ARHGEF10: variants seen among roughly 807,000 people sequenced by gnomAD.
ARHGEF10 encodes Rho guanine nucleotide exchange factor 10.
In ARHGEF10, 140 loss-of-function variants were observed where a neutral mutation model predicts 147.4. The ratio of observed to expected loss-of-function variants is 0.95; its 90% confidence interval spans 0.83 to 1.09. The LOEUF (loss-of-function observed/expected upper bound fraction) is 1.09. Among genes scored for constraint, ARHGEF10 ranks in the 50% least tolerant of loss-of-function variants. ARHGEF10 has a pLI of 0.00. For missense variants in ARHGEF10, 2,222 were observed against 1,752.7 expected, an observed-to-expected ratio of 1.27 and a Z score of -4.78; for synonymous variants, 902 against 695.8, an observed-to-expected ratio of 1.30 and a Z score of -4.67.
intron 26 of ARHGEF10, among the ~76,000 whole-genome samples, chr8:1,934,418 G>A (rs1196127040): frequency 1.3e-5 from 2 of 148,600 alleles, no homozygotes; most frequent in Non-Finnish European, 3.0e-5. Flanking sequence ...AGAAAGACAA[G>A]ATTAGCAAGA....
At chr8:1,925,688 C>T (rs1400192949) in intron 22 of ARHGEF10, among the ~76,000 whole-genome samples, 3 of 152,210 alleles carry the variant, frequency 2.0e-5, no homozygotes, top group Non-Finnish European at 4.4e-5. Context: ...AGAGGGGACA[C>T]GTGTTTCACA....
At chr8:1,918,797 A>T (rs932243428) in intron 18 of ARHGEF10, among the ~76,000 whole-genome samples, 1 of 152,136 alleles carries the variant, frequency 6.6e-6, no homozygotes, top group Admixed American at 6.5e-5. Context: ...CACATGTTCT[A>T]TGGGTGATAG....
intron 1 of ARHGEF10, among the ~76,000 whole-genome samples, chr8:1,824,495 C>G (rs1802614923): frequency 6.6e-6 from 1 of 151,890 alleles, no homozygotes. Context: ...CGGTCCGCCT[C>G]AGGATGCAGA....
At chr8:1,828,499 G>T (rs1339606960) in intron 1 of ARHGEF10, among the ~76,000 whole-genome samples, 5 of 135,390 alleles carry the variant, frequency 3.7e-5, no homozygotes, top group African/African-American at 8.4e-5. Context: ...GCACACTTAC[G>T]GTTTTAAGGA....
At chr8:1,930,138 G>C (rs1038560768) in intron 25 of ARHGEF10, among the ~76,000 whole-genome samples, 2 of 151,908 alleles carry the variant, frequency 1.3e-5, no homozygotes, top group Non-Finnish European at 2.9e-5. Context: ...CCCTCACTCA[G>C]CTCTGAGCGC....
intron 18 of ARHGEF10, among the ~76,000 whole-genome samples, chr8:1,914,495 A>G (rs1811608543): frequency 6.6e-6 from 1 of 152,232 alleles, no homozygotes; most frequent in Admixed American, 6.5e-5. Flanking sequence ...TCCTCTCCAG[A>G]GTAAGGTACT....
At position 1,945,663 on chromosome 8, in the gene ARHGEF10, G is replaced by T. The variant is rs202020429; in HGVS notation, c.3397+8G>T. Reference sequence around the variant, plus strand: ...TTCACAACATGCTGCCAGGTAAGGGGACGGGACGGGGCCCAGGGATGGGAC... The same window carrying T: ...TTCACAACATGCTGCCAGGTAAGGGTACGGGACGGGGCCCAGGGATGGGAC... On this transcript the variant is annotated splice_region_variant and intron_variant, in intron 27 of 28. Coordinates refer to ENST00000349830, the MANE Select transcript of ARHGEF10 (RefSeq NM_014629.4). 6.1e-4 allele frequency: 981 copies of T among 1,614,074 alleles called. 2 individuals are homozygous for T. Among genetic ancestry groups the T allele is most frequent in the Non-Finnish European group, 5.4e-4 (641 of 1,180,022 alleles).
chr8:1,925,694 T>C (rs550548947), intron 22 of ARHGEF10, among the ~76,000 whole-genome samples: 1 of 152,342 alleles, frequency 6.6e-6, no homozygotes, highest in East Asian at 1.9e-4. Flanking sequence ...GACACGTGTT[T>C]CACATTTGTA....
Position 1,864,455 on chromosome 8 carries a change from C to T in ARHGEF10, c.545+19C>T. On this transcript the variant is annotated intron_variant, in intron 5 of 28. Coordinates refer to ENST00000349830, the MANE Select transcript of ARHGEF10 (RefSeq NM_014629.4). ...CAACCAGGTATCTGCATCCGTCTTC[C>T]CACACCTGCTGAATTCCCGCCTTTC... is the stretch of plus-strand genomic sequence containing the variant. 6.2e-7 allele frequency: 1 copy of T among 1,610,892 alleles called. No homozygotes were observed. Among genetic ancestry groups the T allele is most frequent in the African/African-American group, 1.3e-5 (1 of 74,942 alleles).
At chr8:1,853,769 G>A (rs1805332081) in intron 2 of ARHGEF10, among the ~76,000 whole-genome samples, 1 of 152,226 alleles carries the variant, frequency 6.6e-6, no homozygotes, top group Non-Finnish European at 1.5e-5. Flanking sequence ...CGGGAATGTA[G>A]GTCACAGCCT....
intron 13 of ARHGEF10, 38 bp from the exon 14 acceptor site, chr8:1,896,295 C>G: frequency 2.1e-6 from 3 of 1,419,576 alleles, no homozygotes; most frequent in South Asian, 2.3e-5. Context: ...GATATCTGGA[C>G]TCTGTGATTT....
chr8:1,939,104 A>G (rs1813867525), intron 26 of ARHGEF10, among the ~76,000 whole-genome samples: 1 of 152,224 alleles, frequency 6.6e-6, no homozygotes, highest in Non-Finnish European at 1.5e-5. Context: ...ACACTGTGGA[A>G]TCCCAGTCCC....
At chr8:1,878,613 G>A (rs1643904830) in intron 8 of ARHGEF10, among the ~76,000 whole-genome samples, 1 of 152,140 alleles carries the variant, frequency 6.6e-6, no homozygotes, top group Non-Finnish European at 1.5e-5. Context: ...GAGGCTCGGT[G>A]TGTGCCTCGG....
At position 1,957,867 on chromosome 8, in the gene ARHGEF10, A is replaced by G. The variant is rs1016061491; in HGVS notation, c.*604A>G. The stretch of plus-strand genomic sequence containing the variant: ...TATAATGTGTGTACTGTATATTTTA[A>G]CAAAGTAATATTTTTGTATTGCATT... On this transcript the variant is annotated 3_prime_UTR_variant, in exon 29 of 29. Coordinates refer to ENST00000349830, the MANE Select transcript of ARHGEF10 (RefSeq NM_014629.4). The G allele has an allele frequency of 6.6e-6, 1 of 152,384 alleles. No homozygotes were observed. The highest frequency in any genetic ancestry group is 1.5e-5 in the Non-Finnish European group (1 of 68,158). 9.4% of individuals were successfully genotyped at this position (152,384 alleles called of 1,614,324 possible).
At chr8:1,898,379 CA>C in intron 14 of ARHGEF10, 53 bp from the exon 15 acceptor site, 1 of 1,528,304 alleles carries the variant, frequency 6.5e-7, no homozygotes, top group Non-Finnish European at 9.1e-7. Flanking sequence ...GCCCCAGGGG[CA>C]GGGAGGGCAT....
intron 2 of ARHGEF10, among the ~76,000 whole-genome samples, chr8:1,848,196 A>G (rs533220725): frequency 2.6e-4 from 40 of 152,384 alleles, no homozygotes; most frequent in African/African-American, 8.9e-4. Flanking sequence ...TCCTCTCTTC[A>G]GTATCTCTGT....
In ARHGEF10 at chr8:1,923,785, C is replaced by T. The variant is rs375701326; in HGVS notation, c.2399C>T (p.Pro800Leu). ...LPGKQDKSGR[P>L]TFFTAVFNTF... ...GTTGTTTCTGGCAGATCTGGGCGAC[C>T]GACGTTCTTTACAGCTGTGTTCAAT... The change falls in exon 21 of 29, where the codon CCG (proline) becomes CTG (leucine). Residue 800 changes from proline (P) to leucine (L), a missense_variant. Physicochemically the swap from Pro to Leu is moderately conservative, Grantham distance 98. Coordinates refer to ENST00000349830, the MANE Select transcript of ARHGEF10 (RefSeq NM_014629.4). The T allele has an allele frequency of 6.4e-5, 104 of 1,614,086 alleles. No individual in the cohort carries two copies. The highest frequency in any genetic ancestry group is 7.9e-5 in the Non-Finnish European group (93 of 1,180,008).
At chr8:1,841,444 G>A (rs1804025140) in intron 1 of ARHGEF10, among the ~76,000 whole-genome samples, 1 of 152,134 alleles carries the variant, frequency 6.6e-6, no homozygotes, top group Admixed American at 6.5e-5. Context: ...ATTAGTTTAT[G>A]GAAACCATTG....
intron 16 of ARHGEF10, chr8:1,903,831 C>T: frequency 3.3e-6 from 1 of 305,266 alleles, no homozygotes; most frequent in Non-Finnish European, 6.3e-6. Flanking sequence ...CAGTGGCTCA[C>T]ACCTGTAAGC....
Sources: gnomAD v4.1 joint callset for allele counts (sites outside exome capture counted in the v4.1 genomes callset) on GRCh38, gnomAD v4.1.1 for gene constraint, MANE v1.5 for transcripts, NCBI Gene and HGNC (gene_info 2026-07-23, HGNC 2026-07-21) for gene names.